RASAL2: variants seen among roughly 807,000 people sequenced by gnomAD.
The protein encoded by RASAL2 is ras GTPase-activating protein nGAP.
A neutral mutation model predicts 128.9 loss-of-function variants in RASAL2; 58 were observed. The observed-to-expected ratio is 0.45, with a 90% CI of 0.36 to 0.56. RASAL2 has a LOEUF of 0.56. RASAL2 is among the 20% of genes least tolerant of loss of function. The pLI is 0.00. For missense variants in RASAL2, 1,360 were observed against 1,601.6 expected, an observed-to-expected ratio of 0.85 and a Z score of 2.57; for synonymous variants, 561 against 580.8, an observed-to-expected ratio of 0.97 and a Z score of 0.49.
intron 14 of RASAL2, among the ~76,000 whole-genome samples, chr1:178,460,479 T>C (rs955615752): frequency 2.3e-4 from 35 of 152,158 alleles, no homozygotes; most frequent in African/African-American, 8.4e-4. Context: ...AAGCACATAA[T>C]ACATGTTTCT....
At chr1:178,280,057 C>T (rs748427819) in intron 1 of RASAL2, among the ~76,000 whole-genome samples, 5 of 152,042 alleles carry the variant, frequency 3.3e-5, no homozygotes, top group Non-Finnish European at 5.9e-5. Flanking sequence ...TAACAGAATA[C>T]GAAAAGTTCA....
intron 4 of RASAL2, among the ~76,000 whole-genome samples, chr1:178,419,771 T>C (rs1029336943): frequency 7.2e-5 from 11 of 152,172 alleles, no homozygotes; most frequent in Non-Finnish European, 1.5e-4. Flanking sequence ...CTCTAGATAG[T>C]TTGGTAAAAC....
intron 1 of RASAL2, among the ~76,000 whole-genome samples, chr1:178,151,347 G>T (rs1345727006): frequency 3.3e-5 from 5 of 152,134 alleles, no homozygotes; most frequent in Non-Finnish European, 7.4e-5. Context: ...GGAGGTTGCA[G>T]TGAGCCGAGA....
intron 1 of RASAL2, among the ~76,000 whole-genome samples, chr1:178,217,476 A>G (rs1663460565): frequency 6.6e-6 from 1 of 151,940 alleles, no homozygotes; most frequent in African/African-American, 2.4e-5. Flanking sequence ...ATTAAGGTTC[A>G]CTCTTGGTGT....
At chr1:178,440,469 A>T (rs1676562755) in intron 6 of RASAL2, among the ~76,000 whole-genome samples, 1 of 152,082 alleles carries the variant, frequency 6.6e-6, no homozygotes, top group Admixed American at 6.6e-5. Flanking sequence ...ATGTGTGTTT[A>T]CACTTGCAGC....
At chr1:178,336,631 A>ATATG (rs1169858627) in intron 3 of RASAL2, among the ~76,000 whole-genome samples, 2 of 151,650 alleles carry the variant, frequency 1.3e-5, no homozygotes, top group Non-Finnish European at 2.9e-5. Flanking sequence ...ATATAAAAAT[A>ATATG]TATGTATGTA....
chr1:178,443,217 T>A lies in RASAL2; in HGVS notation c.1470T>A (p.Thr490=), dbSNP rs151225646. The change falls in exon 8 of 18, where the codon ACT becomes ACA. Residue 490 remains threonine (T), a synonymous_variant. Transcript: ENST00000367649. ...CCTTAGTGCACATTCTTCAAAGTAC[T>A]GGCAGAGCCAAGGTAAGTGGAAAAG... ...ACALVHILQS[T]GRAKDFLTDL... 1.5e-4 allele frequency: 236 copies of A among 1,605,410 alleles called. No homozygotes were observed. In the African/African-American group the frequency reaches 2.8e-3, roughly 19 times the overall value.
Position 178,117,826 on chromosome 1 carries a change from T to G in RASAL2, c.202+23132T>G, listed in dbSNP as rs574856447. The stretch of plus-strand genomic sequence containing the variant: ...TCTATTATTTGTAAATTATGCAGTC[T>G]AAGATATTTTGTTATAGCAGCCCAA... On this transcript the variant is annotated intron_variant, in intron 1 of 17. Transcript: ENST00000367649. Among the ~76,000 whole-genome samples, 30 of 152,258 alleles carry G rather than the reference T, an allele frequency of 2.0e-4. No homozygotes were observed. The South Asian group carries it at 5.8e-3, about 29-fold the overall frequency.
At chr1:178,331,202 C>T (rs534543031) in intron 3 of RASAL2, among the ~76,000 whole-genome samples, 11 of 152,228 alleles carry the variant, frequency 7.2e-5, no homozygotes, top group African/African-American at 2.2e-4. Flanking sequence ...TTTTTTAAGA[C>T]GGGGTTTTGC....
At chr1:178,451,739 T>C (rs768198758) in intron 10 of RASAL2, 24 bp downstream of exon 10, 1 of 1,602,532 alleles carries the variant, frequency 6.2e-7, no homozygotes, top group Non-Finnish European at 8.5e-7. Context: ...ATCCTCTGCC[T>C]TACATTTTTT....
intron 1 of RASAL2, among the ~76,000 whole-genome samples, chr1:178,221,916 T>C (rs903210082): frequency 1.3e-5 from 2 of 152,238 alleles, no homozygotes; most frequent in Non-Finnish European, 2.9e-5. Flanking sequence ...TCTTAATTTT[T>C]GCTTCCTATC....
intron 3 of RASAL2, among the ~76,000 whole-genome samples, chr1:178,375,258 A>C (rs1310458837): frequency 6.6e-6 from 1 of 152,126 alleles, no homozygotes; most frequent in Non-Finnish European, 1.5e-5. Flanking sequence ...TCTTGAAAAG[A>C]ACGCAGAATT....
chr1:178,241,452 T>A (rs1664495831), intron 1 of RASAL2, among the ~76,000 whole-genome samples: 1 of 152,172 alleles, frequency 6.6e-6, no homozygotes, highest in Non-Finnish European at 1.5e-5. Context: ...TAGGGGTACA[T>A]ATTAAATTTC....
chr1:178,399,812 T>C (rs1438690350), intron 4 of RASAL2, among the ~76,000 whole-genome samples: 1 of 152,200 alleles, frequency 6.6e-6, no homozygotes, highest in Non-Finnish European at 1.5e-5. Context: ...TCCTGTCTAG[T>C]GCAGTAGAGA....
At chr1:178,239,249 G>GT (rs144016914) in intron 1 of RASAL2, among the ~76,000 whole-genome samples, 2,045 of 152,130 alleles carry the variant, frequency 0.013, 47 homozygotes, top group African/African-American at 0.046. Context: ...AAACTAAAGA[G>GT]TATTTTGAAA....
chr1:178,280,817 A>G (rs937428313), intron 1 of RASAL2, among the ~76,000 whole-genome samples: 1 of 152,080 alleles, frequency 6.6e-6, no homozygotes, highest in African/African-American at 2.4e-5. Context: ...AGTGAATTTT[A>G]GATACTAAAA....
intron 3 of RASAL2, among the ~76,000 whole-genome samples, chr1:178,322,234 T>C (rs1045874472): frequency 6.6e-6 from 1 of 152,174 alleles, no homozygotes; most frequent in African/African-American, 2.4e-5. Context: ...TGTGACATTT[T>C]TTCCTCTATT....
chr1:178,224,719 G>T (rs1663730560), intron 1 of RASAL2, among the ~76,000 whole-genome samples: 1 of 152,070 alleles, frequency 6.6e-6, no homozygotes, highest in African/African-American at 2.4e-5. Context: ...GAGCAAGTGG[G>T]ATACATATAA....
At chr1:178,277,302 G>A (rs1666567838) in intron 1 of RASAL2, among the ~76,000 whole-genome samples, 1 of 152,032 alleles carries the variant, frequency 6.6e-6, no homozygotes, top group Admixed American at 6.5e-5. Flanking sequence ...GGGACTACAG[G>A]CACGCACCAC....
Sources: allele counts gnomAD v4.1 joint callset (sites outside exome capture counted in the v4.1 genomes callset), GRCh38; gene constraint gnomAD v4.1.1; transcripts MANE v1.5; gene names NCBI Gene and HGNC (gene_info 2026-07-23, HGNC 2026-07-21).